PTPRB: variants seen among roughly 807,000 people sequenced by gnomAD.
The protein encoded by PTPRB is receptor-type tyrosine-protein phosphatase beta.
A neutral mutation model predicts 238.1 loss-of-function variants in PTPRB; 97 were observed. The observed-to-expected ratio is 0.41, with a 90% confidence interval of 0.35 to 0.48. The LOEUF (loss-of-function observed/expected upper bound fraction) is 0.48. Ranked by LOEUF, PTPRB falls within the 20% of genes least tolerant of loss-of-function variation. PTPRB has a pLI of 0.30. For missense variants in PTPRB, 2,292 were observed against 2,681.9 expected, an observed-to-expected ratio of 0.85 and a Z score of 3.21; for synonymous variants, 970 against 995.4, an observed-to-expected ratio of 0.97 and a Z score of 0.48.
intron 4 of PTPRB, among the ~76,000 whole-genome samples, chr12:70,601,947 C>T (rs940762669): frequency 4.8e-5 from 7 of 145,018 alleles, no homozygotes; most frequent in East Asian, 2.1e-4. Flanking sequence ...CCCGCCACCA[C>T]GCCCGGCTAA....
chr12:70,517,197 A>C lies in PTPRB; in HGVS notation c.*4292T>G, dbSNP rs1194346891. On this transcript the variant is annotated 3_prime_UTR_variant, in exon 34 of 34. Transcript: ENST00000334414. Reference sequence around the variant, plus strand: ...ATATCTGGTCAATTCAAAAAGCAAAATAAATTGATTCAATTGTTTAATCAG... The same window carrying C: ...ATATCTGGTCAATTCAAAAAGCAAACTAAATTGATTCAATTGTTTAATCAG... 6.6e-6 allele frequency: 1 copy of C among 152,204 alleles called. No homozygotes were observed. The highest frequency in any genetic ancestry group is 1.9e-4 in the East Asian group (1 of 5,198). 9.4% of individuals were successfully genotyped at this position (152,204 alleles called of 1,614,324 possible).
intron 16 of PTPRB, 145 bp downstream of exon 16, chr12:70,562,699 T>G: frequency 1.9e-6 from 2 of 1,038,728 alleles, no homozygotes; most frequent in South Asian, 1.7e-5. Context: ...AAGGTGCGAT[T>G]TAGGGTCAAA....
At position 70,635,937 on chromosome 12, in the gene PTPRB, T is replaced by A. The variant is rs1282587991; in HGVS notation, c.185A>T (p.His62Leu). 1 of 1,613,752 alleles carries A rather than the reference T, an allele frequency of 6.2e-7. No individual in the cohort carries two copies. Among genetic ancestry groups the A allele is most frequent in the Non-Finnish European group, 8.5e-7 (1 of 1,179,826 alleles). Residue 62 changes from histidine to leucine, a missense_variant, in exon 2 of 34, where the codon CAT becomes CTT. His to Leu is a moderately conservative substitution (Grantham distance 99). Around this residue, in one of 4 missense-constraint regions of PTPRB, gnomAD observed 1,205 missense variants for 1,287.8 expected, o/e 0.94. Coordinates refer to ENST00000334414, the MANE Select transcript of PTPRB (RefSeq NM_001109754.4). Reference sequence around the variant, plus strand: ...GGCCAAGCACAGTGCAGATTTAACATGAAGGAGCTTTTCATCCTCAGTCCA... The same window carrying A: ...GGCCAAGCACAGTGCAGATTTAACAAGAAGGAGCTTTTCATCCTCAGTCCA... Reference protein sequence around the residue: ...WMWTEDEKLLHVKSALCLAIS... With the variant: ...WMWTEDEKLLLVKSALCLAIS...
intron 3 of PTPRB, among the ~76,000 whole-genome samples, chr12:70,617,800 A>G (rs941750559): frequency 6.4e-5 from 9 of 141,214 alleles, no homozygotes; most frequent in Non-Finnish European, 1.1e-4. Flanking sequence ...CAGTACCACA[A>G]TGGCTATTCA....
chr12:70,608,535 G>T (rs192013872), intron 4 of PTPRB, among the ~76,000 whole-genome samples: 54 of 152,234 alleles, frequency 3.5e-4, no homozygotes, highest in African/African-American at 1.3e-3. Flanking sequence ...TGCTGTTTGG[G>T]TTATTACTCA....
intron 2 of PTPRB, 106 bp downstream of exon 2, chr12:70,635,565 T>C (rs1301767668): frequency 7.5e-7 from 1 of 1,337,460 alleles, no homozygotes; most frequent in Non-Finnish European, 1.0e-6. Flanking sequence ...TGTTGGGGCA[T>C]GTGGACTTCC....
chr12:70,588,866 T>C (rs1040620904), intron 8 of PTPRB, among the ~76,000 whole-genome samples: 59 of 151,954 alleles, frequency 3.9e-4, no homozygotes, highest in Non-Finnish European at 4.4e-4. Flanking sequence ...GGCACAAGAA[T>C]TGCTTGAACC....
intron 15 of PTPRB, among the ~76,000 whole-genome samples, chr12:70,564,190 GA>G (rs1878907518): frequency 6.6e-6 from 1 of 152,122 alleles, no homozygotes; most frequent in Non-Finnish European, 1.5e-5. Context: ...CTGCCTCAAT[GA>G]AGTCTTTGGG....
chr12:70,576,729 A>G, intron 10 of PTPRB, 84 bp from the exon 11 acceptor site: 1 of 736,626 alleles, frequency 1.4e-6, no homozygotes, highest in Non-Finnish European at 2.2e-6. Flanking sequence ...TGAGTCGTCT[A>G]TTGCAGTCAG....
At chr12:70,569,526 T>A in intron 14 of PTPRB, 149 bp downstream of exon 14, 1 of 912,702 alleles carries the variant, frequency 1.1e-6, no homozygotes, top group East Asian at 2.6e-5. Context: ...ATACAAAGAA[T>A]AAATGAGTAA....
intron 15 of PTPRB, among the ~76,000 whole-genome samples, chr12:70,564,459 T>C (rs935535845): frequency 1.4e-5 from 2 of 146,792 alleles, no homozygotes; most frequent in African/African-American, 5.1e-5. Flanking sequence ...GTGGAGGTTG[T>C]GGTGAGCTAA....
intron 29 of PTPRB, among the ~76,000 whole-genome samples, chr12:70,535,218 G>A (rs1404203499): frequency 7.3e-6 from 1 of 136,390 alleles, no homozygotes; most frequent in Non-Finnish European, 1.5e-5. Context: ...GTAATATATG[G>A]CTTGAGTTTT....
chr12:70,530,075 G>T (rs1458316155), intron 32 of PTPRB, among the ~76,000 whole-genome samples: 1 of 151,984 alleles, frequency 6.6e-6, no homozygotes, highest in Non-Finnish European at 1.5e-5. Flanking sequence ...TAAATATCAT[G>T]GAAAACAAAT....
At chr12:70,636,128 A>T in intron 1 of PTPRB, 62 bp from the exon 2 acceptor site, 1 of 1,436,780 alleles carries the variant, frequency 7.0e-7, no homozygotes, top group Non-Finnish European at 9.3e-7. Flanking sequence ...TAGAAAACGG[A>T]AGAACCCACC....
chr12:70,529,671 C>G (rs960692563), intron 32 of PTPRB, among the ~76,000 whole-genome samples: 5 of 152,004 alleles, frequency 3.3e-5, no homozygotes, highest in African/African-American at 4.8e-5. Flanking sequence ...AATTATGATA[C>G]AGGGTTATAT....
chr12:70,583,533 T>C (rs910712525), intron 9 of PTPRB, among the ~76,000 whole-genome samples: 5 of 151,668 alleles, frequency 3.3e-5, no homozygotes, highest in Admixed American at 2.6e-4. Context: ...AAGAAACTCA[T>C]AGCTGACCTT....
At position 70,538,140 on chromosome 12, in the gene PTPRB, T is replaced by A; in HGVS notation, c.5946+15A>T. 1 of 1,607,526 alleles carries A rather than the reference T, an allele frequency of 6.2e-7. No individual in the cohort carries two copies. Among genetic ancestry groups the A allele is most frequent in the South Asian group, 1.1e-5 (1 of 90,474 alleles). On this transcript the variant is annotated intron_variant, in intron 28 of 33. Transcript: ENST00000334414. Reference sequence around the variant, plus strand: ...AAGCCTCATCCTGAACACTATGGCCTAGTGGGTCACTTACAGGGATGTAGC... The same window carrying A: ...AAGCCTCATCCTGAACACTATGGCCAAGTGGGTCACTTACAGGGATGTAGC...
chr12:70,598,829 A>G (rs1299951227), intron 4 of PTPRB, among the ~76,000 whole-genome samples: 1 of 152,234 alleles, frequency 6.6e-6, no homozygotes, highest in Admixed American at 6.5e-5. Context: ...TCCACAAAAT[A>G]TGAGATATAG....
chr12:70,559,320 A>G, intron 18 of PTPRB, 23 bp downstream of exon 18: 2 of 1,587,042 alleles, frequency 1.3e-6, no homozygotes, highest in Non-Finnish European at 1.7e-6. Flanking sequence ...TTTGAGAAAT[A>G]AGAGTAGCAA....
Sources: allele counts gnomAD v4.1 joint callset (sites outside exome capture counted in the v4.1 genomes callset), GRCh38; gene constraint gnomAD v4.1.1; regional missense constraint gnomAD v4.1.1; transcripts MANE v1.5; gene names NCBI Gene and HGNC (gene_info 2026-07-23, HGNC 2026-07-21).